Variants in IMPG1 observed in about 807,000 individuals in gnomAD.
IMPG1 encodes interphotoreceptor matrix proteoglycan of 150 kDa.
In IMPG1, 85 loss-of-function variants were observed where a neutral mutation model predicts 92.0. The ratio of observed to expected loss-of-function variants is 0.92; its 90% confidence interval spans 0.78 to 1.11. The LOEUF (loss-of-function observed/expected upper bound fraction) is 1.11, where lower values mean the gene tolerates loss of function less well. IMPG1 is among the 50% of genes least tolerant of loss of function. The pLI is 0.00. For synonymous variants in IMPG1, 367 were observed against 334.1 expected, an observed-to-expected ratio of 1.10 and a Z score of -1.08; for missense variants, 1,022 against 956.0, an observed-to-expected ratio of 1.07 and a Z score of -0.91.
intron 14 of IMPG1, among the ~76,000 whole-genome samples, chr6:75,933,786 C>G (rs954436586): frequency 9.2e-5 from 14 of 152,198 alleles, no homozygotes; most frequent in Non-Finnish European, 1.9e-4. Flanking sequence ...TTTACATAAA[C>G]AGGGAGCTCA....
chr6:75,983,945 G>A (rs1223269342), intron 12 of IMPG1, among the ~76,000 whole-genome samples: 1 of 152,038 alleles, frequency 6.6e-6, no homozygotes, highest in Admixed American at 6.6e-5. Context: ...ACACCCAAAT[G>A]GCCAACAGGT....
chr6:76,018,806 A>G lies in IMPG1; in HGVS notation c.719T>C (p.Val240Ala), dbSNP rs371621276. ...CTTGAACTTCTGGTTTACCAGAGAG[A>G]CGCTGAGCTCCACCCTCTGCTCCTC... is the stretch of plus-strand genomic sequence containing the variant. ...VLEEQRVELSVSLVNQKFKAE... is the reference protein window; with the variant it reads ...VLEEQRVELSASLVNQKFKAE... Residue 240 changes from valine to alanine, a missense_variant, in exon 7 of 17, where the codon GTC (valine) becomes GCC (alanine). Val to Ala is a moderately conservative substitution (Grantham distance 64, BLOSUM62 0). This residue lies in a region of IMPG1 where 681 missense variants were observed against 583.6 expected (regional missense o/e 1.17). Transcript: ENST00000369950. 6.2e-7 allele frequency: 1 copy of G among 1,612,584 alleles called. No homozygotes were observed. The highest frequency in any genetic ancestry group is 8.5e-7 in the Non-Finnish European group (1 of 1,179,290).
chr6:75,998,087 A>T (rs1035504066), intron 12 of IMPG1, among the ~76,000 whole-genome samples: 1 of 152,208 alleles, frequency 6.6e-6, no homozygotes, highest in African/African-American at 2.4e-5. Flanking sequence ...CGTGACAATG[A>T]ATGACAAATT....
At chr6:76,012,502 C>T (rs572983507) in intron 7 of IMPG1, among the ~76,000 whole-genome samples, 7 of 152,346 alleles carry the variant, frequency 4.6e-5, no homozygotes, top group African/African-American at 1.7e-4. Context: ...ACTGTAGATG[C>T]TGTGCTAGGC....
intron 1 of IMPG1, among the ~76,000 whole-genome samples, chr6:76,068,412 A>G (rs999432333): frequency 2.0e-5 from 3 of 152,142 alleles, no homozygotes; most frequent in Non-Finnish European, 4.4e-5. Context: ...AAGGAGAGTT[A>G]CAGAACACTG....
chr6:76,043,019 T>G (rs1783871797), intron 1 of IMPG1, among the ~76,000 whole-genome samples: 1 of 152,120 alleles, frequency 6.6e-6, no homozygotes, highest in Admixed American at 6.5e-5. Flanking sequence ...AGTGGCAGTG[T>G]GTGTTAACAG....
intron 12 of IMPG1, among the ~76,000 whole-genome samples, chr6:75,997,547 A>G (rs1782923369): frequency 6.6e-6 from 1 of 152,144 alleles, no homozygotes; most frequent in African/African-American, 2.4e-5. Context: ...AAATTTCTTC[A>G]GCACTCTTAT....
intron 1 of IMPG1, among the ~76,000 whole-genome samples, chr6:76,048,455 G>A (rs1281739024): frequency 1.3e-5 from 2 of 152,118 alleles, no homozygotes; most frequent in Admixed American, 6.6e-5. Context: ...ACTGATCACT[G>A]GCTGCGTCTG....
At chr6:75,976,661 C>T (rs1209369722) in intron 12 of IMPG1, among the ~76,000 whole-genome samples, 1 of 152,148 alleles carries the variant, frequency 6.6e-6, no homozygotes, top group African/African-American at 2.4e-5. Flanking sequence ...CCTGTAATCC[C>T]AGCACTTTGG....
chr6:76,072,534 C>G lies in IMPG1; in HGVS notation c.-46G>C, dbSNP rs202099291. ...AATTCTGATAACAATCACAGAACAA[C>G]CTCAAATCTCATTAAAAAGTAACAG... On this transcript the variant is annotated 5_prime_UTR_variant, in exon 1 of 17. Transcript: ENST00000369950. 9.4e-7 allele frequency: 1 copy of G among 1,066,314 alleles called. No homozygotes were observed. The highest frequency in any genetic ancestry group is 2.5e-5 in the East Asian group (1 of 40,304). The allele number at this position is 1,066,314 out of a possible 1,614,324, so 66.1% of individuals were successfully genotyped here.
At chr6:75,984,337 G>A (rs1782679763) in intron 12 of IMPG1, among the ~76,000 whole-genome samples, 1 of 152,130 alleles carries the variant, frequency 6.6e-6, no homozygotes, top group East Asian at 1.9e-4. Context: ...TAAAACAAAT[G>A]AATGGATAAA....
At chr6:76,021,992 C>A (rs142193126) in intron 6 of IMPG1, 124 bp downstream of exon 6, 92 of 529,392 alleles carry the variant, frequency 1.7e-4, no homozygotes, top group African/African-American at 1.6e-3. Flanking sequence ...TGACTCTTAA[C>A]CAGAGTCACA....
At position 76,024,944 on chromosome 6, in the gene IMPG1, A is replaced by G. The variant is rs964691017; in HGVS notation, c.562+250T>C. The G allele has an allele frequency of 7.3e-6, 4 of 550,048 alleles. No homozygotes were observed. The East Asian group carries it at 1.3e-4, about 18-fold the overall frequency. The allele number at this position is 550,048 out of a possible 1,614,324, so 34.1% of individuals were successfully genotyped here. ...AGAAGAAAGAAGGCAGAAAATAGGCAGTAAATGTTCATGATGGTTGTTTCC... is the reference window on the plus strand; with the variant it reads ...AGAAGAAAGAAGGCAGAAAATAGGCGGTAAATGTTCATGATGGTTGTTTCC... On this transcript the variant is annotated intron_variant, in intron 5 of 16. Coordinates refer to ENST00000369950, the MANE Select transcript of IMPG1 (RefSeq NM_001563.4).
chr6:76,017,573 T>C (rs1383843164), intron 7 of IMPG1, among the ~76,000 whole-genome samples: 1 of 152,224 alleles, frequency 6.6e-6, no homozygotes, highest in South Asian at 2.1e-4. Flanking sequence ...TATTGAGGTA[T>C]AATTGACATA....
chr6:75,925,428 TC>T (rs1351120225), intron 15 of IMPG1, among the ~76,000 whole-genome samples: 3 of 152,152 alleles, frequency 2.0e-5, no homozygotes, highest in African/African-American at 7.2e-5. Flanking sequence ...TTTCTTTCTC[TC>T]AACATCAATT....
chr6:75,946,146 G>A (rs745954118), intron 14 of IMPG1, among the ~76,000 whole-genome samples: 2 of 152,200 alleles, frequency 1.3e-5, no homozygotes, highest in Non-Finnish European at 2.9e-5. Context: ...CATTTAGGAG[G>A]TGTTTGATTT....
At position 75,980,163 on chromosome 6, in the gene IMPG1, A is replaced by G. The variant is rs1055552502; in HGVS notation, c.1291+22755T>C. Among the ~76,000 whole-genome samples, 15 of 152,242 alleles carry G rather than the reference A, an allele frequency of 9.9e-5. 1 individual carries two copies. Among genetic ancestry groups the G allele is most frequent in the African/African-American group, 3.4e-4 (14 of 41,472 alleles). On this transcript the variant is annotated intron_variant, in intron 12 of 16. Coordinates refer to ENST00000369950, the MANE Select transcript of IMPG1 (RefSeq NM_001563.4). ...TGTGCCACAAAATGTGAAAATTTGA[A>G]GGAGAAATTGGATTTATGAATATGA... is the stretch of plus-strand genomic sequence containing the variant.
chr6:76,018,537 T>C (rs770492080), intron 7 of IMPG1, among the ~76,000 whole-genome samples, 181 bp downstream of exon 7: 3 of 152,242 alleles, frequency 2.0e-5, no homozygotes, highest in Non-Finnish European at 4.4e-5. Context: ...AATGAAAAAC[T>C]TTCCTGGAGA....
chr6:75,988,093 T>C (rs1175656402), intron 12 of IMPG1, among the ~76,000 whole-genome samples: 9 of 152,232 alleles, frequency 5.9e-5, no homozygotes, highest in Non-Finnish European at 4.4e-5. Flanking sequence ...TGTGTGCATG[T>C]GTCTTTATAG....
Sources: gnomAD v4.1 joint callset for allele counts (sites outside exome capture counted in the v4.1 genomes callset) on GRCh38, gnomAD v4.1.1 for gene constraint, gnomAD v4.1.1 regional missense constraint, MANE v1.5 for transcripts, NCBI Gene and HGNC (gene_info 2026-07-23, HGNC 2026-07-21) for gene names.